ADGRG6: variants seen among roughly 807,000 people sequenced by gnomAD.
ADGRG6 encodes adhesion G protein-coupled receptor G6.
ADGRG6 carries 84 observed loss-of-function variants against 142.4 expected under a neutral mutation model. The ratio of observed to expected loss-of-function variants is 0.59; its 90% CI spans 0.49 to 0.71. The LOEUF (loss-of-function observed/expected upper bound fraction) is 0.71, where lower values mean the gene tolerates loss of function less well. Ranked by LOEUF, ADGRG6 falls within the 30% of genes least tolerant of loss-of-function variation. The pLI, the probability that ADGRG6 is intolerant of heterozygous loss-of-function variation, is 0.00. For synonymous variants in ADGRG6, 521 were observed against 520.5 expected (o/e 1.00, Z -0.01); for missense variants, 1,367 against 1,466.6 (o/e 0.93, Z 1.11).
At chr6:142,434,460 G>A (rs1777379770) in intron 22 of ADGRG6, among the ~76,000 whole-genome samples, 1 of 151,984 alleles carries the variant, frequency 6.6e-6, no homozygotes, top group Admixed American at 6.5e-5. Context: ...GAGTAGCTAG[G>A]ATTACAGGTG....
chr6:142,380,733 A>G (rs892028291), intron 4 of ADGRG6, among the ~76,000 whole-genome samples: 5 of 152,192 alleles, frequency 3.3e-5, no homozygotes, highest in African/African-American at 1.2e-4. Context: ...TTTCTTACCA[A>G]GCTGCTGTCA....
At chr6:142,427,791 G>A (rs1424052971) in intron 22 of ADGRG6, among the ~76,000 whole-genome samples, 1 of 152,172 alleles carries the variant, frequency 6.6e-6, no homozygotes, top group African/African-American at 2.4e-5. Context: ...TATGTGGATG[G>A]CAGCAGGCAA....
At chr6:142,411,473 T>C (rs201875031) in intron 18 of ADGRG6, 62 bp downstream of exon 18, 2 of 815,692 alleles carry the variant, frequency 2.5e-6, no homozygotes, top group Non-Finnish European at 4.4e-6. Context: ...ATACTCCTTT[T>C]TTGTATGTAT....
In ADGRG6 at chr6:142,405,602, T is replaced by C; in HGVS notation, c.2128-86T>C. 5.5e-6 allele frequency: 6 copies of C among 1,093,616 alleles called. 1 individual carries two copies. 67.7% of individuals were successfully genotyped at this position (1,093,616 alleles called of 1,614,324 possible). A position where few individuals can be genotyped will look rare whatever the true frequency, so the allele number is the denominator to read the frequency against. ...ACTGGCTAATTTGAACTTGCAATTG[T>C]TCACTCGCCTAACTATACATGTGGA... On this transcript the variant is annotated intron_variant, in intron 14 of 24. Coordinates refer to ENST00000367609, the MANE Select transcript of ADGRG6 (RefSeq NM_198569.3).
intron 2 of ADGRG6, among the ~76,000 whole-genome samples, chr6:142,356,300 A>G (rs1402553518): frequency 6.6e-6 from 1 of 152,220 alleles, no homozygotes; most frequent in Non-Finnish European, 1.5e-5. Flanking sequence ...AGCTTGCTCT[A>G]TAATTCTAAG....
chr6:142,409,794 T>A lies in ADGRG6; in HGVS notation c.2389-80T>A. 9 of 631,546 alleles carry A rather than the reference T, an allele frequency of 1.4e-5. No individual in the cohort carries two copies. The South Asian group carries it at 2.0e-4, about 14-fold the overall frequency. The allele number at this position is 631,546 out of a possible 1,614,324, so 39.1% of individuals were successfully genotyped here. A position where few individuals can be genotyped will look rare whatever the true frequency, so the allele number is the denominator to read the frequency against. ...CTAATCTATTTCTTTGTGAAACCCTTCGTGTTTTTATTCTTTTGCCATATT... is the reference window on the plus strand; with the variant it reads ...CTAATCTATTTCTTTGTGAAACCCTACGTGTTTTTATTCTTTTGCCATATT... On this transcript the variant is annotated intron_variant, in intron 16 of 24. Coordinates refer to ENST00000367609, the MANE Select transcript of ADGRG6 (RefSeq NM_198569.3).
chr6:142,420,336 A>G (rs1776601260), intron 22 of ADGRG6, among the ~76,000 whole-genome samples: 1 of 152,162 alleles, frequency 6.6e-6, no homozygotes, highest in South Asian at 2.1e-4. Context: ...AGAACACTGT[A>G]CCTGGCAGAT....
chr6:142,406,640 A>G (rs1370207372), intron 15 of ADGRG6, among the ~76,000 whole-genome samples: 2 of 152,198 alleles, frequency 1.3e-5, no homozygotes, highest in Non-Finnish European at 2.9e-5. Flanking sequence ...GGAATCCTTG[A>G]CAGTAGTTAA....
chr6:142,316,758 T>C (rs1277868207), intron 2 of ADGRG6, among the ~76,000 whole-genome samples: 1 of 152,096 alleles, frequency 6.6e-6, no homozygotes, highest in Non-Finnish European at 1.5e-5. Context: ...AGCAGTGCTA[T>C]GAGGAGGAAA....
chr6:142,394,579 GAT>G (rs1491263678), intron 9 of ADGRG6, among the ~76,000 whole-genome samples: 1 of 144,336 alleles, frequency 6.9e-6, no homozygotes, highest in Non-Finnish European at 1.5e-5. Context: ...CATCTCTGTA[GAT>G]TTTTTTTTTT....
At chr6:142,384,030 G>T (rs900221553) in intron 6 of ADGRG6, among the ~76,000 whole-genome samples, 187 bp downstream of exon 6, 1 of 152,064 alleles carries the variant, frequency 6.6e-6, no homozygotes, top group Non-Finnish European at 1.5e-5. Flanking sequence ...TTCTTATGAC[G>T]AGTGGAATGA....
chr6:142,437,830 T>A (rs1777557751), intron 23 of ADGRG6, among the ~76,000 whole-genome samples: 1 of 150,644 alleles, frequency 6.6e-6, no homozygotes, highest in Non-Finnish European at 1.5e-5. Context: ...TATACCAGAC[T>A]CACCTTTCCA....
At chr6:142,378,081 A>C (rs761194646) in intron 4 of ADGRG6, among the ~76,000 whole-genome samples, 1 of 152,218 alleles carries the variant, frequency 6.6e-6, no homozygotes, top group African/African-American at 2.4e-5. Flanking sequence ...CCATAAAAGA[A>C]TGCTACATAT....
At position 142,370,794 on chromosome 6, in the gene ADGRG6, G is replaced by A. The variant is rs771852847; in HGVS notation, c.1069+1G>A. On this transcript the variant is annotated splice_donor_variant, in intron 4 of 24. Coordinates refer to ENST00000367609, the MANE Select transcript of ADGRG6 (RefSeq NM_198569.3). LOFTEE classifies it high-confidence loss of function. ...AAAGCTGAAAGCAACCTAAGCTGTG[G>A]TGAGTTTGTAGCGTATTCCTTTTTT... 6.2e-7 allele frequency: 1 copy of A among 1,612,024 alleles called. No individual in the cohort carries two copies. The highest frequency in any genetic ancestry group is 1.3e-5 in the African/African-American group (1 of 74,598).
rs764707015 is a variant in ADGRG6, at chr6:142,415,881, G to T, written c.2755G>T (p.Gly919Cys). ...LFLNLLFLLD[G>C]WITSFNVDGL... ...CCTGAATCTCCTCTTCCTCCTAGAT[G>T]GCTGGATCACCTCCTTCAATGTGGA... The change falls in exon 20 of 25, where the codon GGC (glycine) becomes TGC (cysteine). Residue 919 changes from glycine to cysteine, a missense_variant. Gly to Cys is a radical substitution (Grantham distance 159, BLOSUM62 -3). This residue lies in a region of ADGRG6 where 286 missense variants were observed against 371.4 expected (regional missense o/e 0.77). Transcript: ENST00000367609. 9.9e-6 allele frequency: 16 copies of T among 1,613,060 alleles called. No individual in the cohort carries two copies. In the African/African-American group the frequency reaches 1.7e-4, roughly 17 times the overall value.
At chr6:142,334,548 A>G (rs768603833) in intron 2 of ADGRG6, among the ~76,000 whole-genome samples, 1 of 152,298 alleles carries the variant, frequency 6.6e-6, no homozygotes, top group South Asian at 2.1e-4. Context: ...ATAAGGAAGA[A>G]CTTTCTGACA....
chr6:142,334,874 G>A (rs1165894439), intron 2 of ADGRG6, among the ~76,000 whole-genome samples: 1 of 151,882 alleles, frequency 6.6e-6, no homozygotes, highest in Non-Finnish European at 1.5e-5. Context: ...GTAATCAAAT[G>A]AAATTCAAAA....
chr6:142,438,145 A>AT (rs1342829429), intron 23 of ADGRG6, 67 bp from the exon 24 acceptor site: 1 of 1,013,658 alleles, frequency 9.9e-7, no homozygotes, highest in Non-Finnish European at 1.4e-6. Flanking sequence ...TGCAGTGATG[A>AT]TTTTTTCAGA....
At chr6:142,327,379 C>G (rs1322768963) in intron 2 of ADGRG6, among the ~76,000 whole-genome samples, 1 of 151,932 alleles carries the variant, frequency 6.6e-6, no homozygotes, top group Non-Finnish European at 1.5e-5. Flanking sequence ...AGTTCACCGT[C>G]TATATTAGGA....
Sources: gnomAD v4.1 joint callset for allele counts (sites outside exome capture counted in the v4.1 genomes callset) on GRCh38, gnomAD v4.1.1 for gene constraint, gnomAD v4.1.1 regional missense constraint, MANE v1.5 for transcripts, NCBI Gene and HGNC (gene_info 2026-07-23, HGNC 2026-07-21) for gene names.